Variants in MED13L observed in about 807,000 individuals in gnomAD.
MED13L encodes the protein mediator complex subunit 13L, also known as mediator of RNA polymerase II transcription subunit 13-like.
MED13L carries 7 observed loss-of-function variants against 220.9 expected under a neutral mutation model. The observed-to-expected ratio is 0.03, with a 90% CI of 0.02 to 0.06. The LOEUF (loss-of-function observed/expected upper bound fraction) is 0.06, where lower values mean the gene tolerates loss of function less well. Among genes scored for constraint, MED13L ranks in the 10% least tolerant of loss-of-function variants. The pLI, the probability that MED13L is intolerant of heterozygous loss-of-function variation, is 1.00. For missense variants in MED13L, 1,965 were observed against 2,760.5 expected (o/e 0.71, Z 6.46); for synonymous variants, 1,011 against 1,015.2 (o/e 1.00, Z 0.08).
chr12:116,277,056 T>G lies in MED13L; in HGVS notation c.72+4A>C. The G allele has an allele frequency of 6.9e-7, 1 of 1,449,420 alleles. No individual in the cohort carries two copies. The highest frequency in any genetic ancestry group is 9.5e-7 in the Non-Finnish European group (1 of 1,047,770). 89.8% of individuals were successfully genotyped at this position (1,449,420 alleles called of 1,614,324 possible). On this transcript the variant is annotated splice_donor_region_variant and intron_variant, in intron 1 of 30. Coordinates refer to ENST00000281928, the MANE Select transcript of MED13L (RefSeq NM_015335.5). ...AGCCCCCTCCCCGCAGCCCGGCTAC[T>G]CACCAGCGAAAAGAGGTTGGAGTGA... is the stretch of plus-strand genomic sequence containing the variant.
intron 4 of MED13L, among the ~76,000 whole-genome samples, chr12:116,081,874 T>C (rs1871261272): frequency 6.6e-6 from 1 of 152,132 alleles, no homozygotes; most frequent in African/African-American, 2.4e-5. Flanking sequence ...CTCAAAAAAA[T>C]AATAAATGCA....
At chr12:116,086,774 G>A (rs1163757957) in intron 4 of MED13L, among the ~76,000 whole-genome samples, 1 of 152,064 alleles carries the variant, frequency 6.6e-6, no homozygotes, top group Non-Finnish European at 1.5e-5. Flanking sequence ...TAGTCATATT[G>A]TTATAATATA....
intron 4 of MED13L, among the ~76,000 whole-genome samples, chr12:116,095,331 G>T (rs984553872): frequency 6.6e-6 from 1 of 152,068 alleles, no homozygotes; most frequent in African/African-American, 2.4e-5. Flanking sequence ...CTTTTTAAAG[G>T]ATTTTGAATG....
chr12:116,261,646 A>G (rs1001268225), intron 1 of MED13L, among the ~76,000 whole-genome samples: 5 of 152,210 alleles, frequency 3.3e-5, no homozygotes, highest in African/African-American at 4.8e-5. Flanking sequence ...TTATATACAC[A>G]ATTGTGATCA....
At chr12:116,081,331 T>C (rs1364131255) in intron 4 of MED13L, among the ~76,000 whole-genome samples, 2 of 152,242 alleles carry the variant, frequency 1.3e-5, no homozygotes, top group Non-Finnish European at 2.9e-5. Flanking sequence ...GATGCTAATT[T>C]TGTCTTTTTG....
At chr12:116,028,735 C>A (rs1280443847) in intron 4 of MED13L, among the ~76,000 whole-genome samples, 1 of 152,164 alleles carries the variant, frequency 6.6e-6, no homozygotes, top group African/African-American at 2.4e-5. Flanking sequence ...TGGAGCTTCA[C>A]CCCTGTTCTC....
chr12:116,195,226 G>C lies in MED13L; in HGVS notation c.310+42242C>G, dbSNP rs114950096. 1.6e-3 allele frequency among the ~76,000 whole-genome samples: 242 copies of C among 152,140 alleles called. 1 individual carries two copies. The highest frequency in any genetic ancestry group is 5.5e-3 in the African/African-American group (228 of 41,502). Reference sequence around the variant, plus strand: ...GATGCAGGTGTATCTACCATCAGTGGGAGACAAGTGCCCTCTGCTGCCAAT... The same window carrying C: ...GATGCAGGTGTATCTACCATCAGTGCGAGACAAGTGCCCTCTGCTGCCAAT... On this transcript the variant is annotated intron_variant, in intron 2 of 30. Coordinates refer to ENST00000281928, the MANE Select transcript of MED13L (RefSeq NM_015335.5).
chr12:116,250,682 CAGA>C (rs1871462382), intron 1 of MED13L, among the ~76,000 whole-genome samples: 1 of 144,314 alleles, frequency 6.9e-6, no homozygotes, highest in Non-Finnish European at 1.5e-5. Context: ...GAAGCTGAGG[CAGA>C]AGAATCGCTT....
chr12:116,078,110 C>A (rs1483345645), intron 4 of MED13L, among the ~76,000 whole-genome samples: 3 of 147,872 alleles, frequency 2.0e-5, no homozygotes, highest in Non-Finnish European at 4.5e-5. Flanking sequence ...CCACTGCACT[C>A]CAGCCTGGGC....
intron 2 of MED13L, among the ~76,000 whole-genome samples, chr12:116,114,926 G>A (rs1036963193): frequency 1.1e-4 from 16 of 151,928 alleles, no homozygotes; most frequent in African/African-American, 3.6e-4. Context: ...ACTAACAAAC[G>A]AAATAAAAAA....
At chr12:116,163,957 C>T (rs1174474785) in intron 2 of MED13L, among the ~76,000 whole-genome samples, 2 of 151,894 alleles carry the variant, frequency 1.3e-5, no homozygotes, top group African/African-American at 4.8e-5. Flanking sequence ...CAGCACAGGA[C>T]AAAAGAAGTA....
At chr12:116,254,832 T>G (rs905338549) in intron 1 of MED13L, among the ~76,000 whole-genome samples, 1 of 152,084 alleles carries the variant, frequency 6.6e-6, no homozygotes, top group Non-Finnish European at 1.5e-5. Flanking sequence ...CTTAGGAATA[T>G]ATCTGATAAA....
In MED13L at chr12:116,007,291, G is replaced by A. The variant is rs555159007; in HGVS notation, c.2238+120C>T. The A allele has an allele frequency of 1.3e-4, 112 of 876,328 alleles. 1 individual carries two copies. In the South Asian group the frequency reaches 1.5e-3, roughly 12 times the overall value. The allele number at this position is 876,328 out of a possible 1,614,324, so 54.3% of individuals were successfully genotyped here. ...AATAGTACCAAGAGCATGAATATGGGGACAGAGCAATCAGGCAAGACTATC... is the reference window on the plus strand; with the variant it reads ...AATAGTACCAAGAGCATGAATATGGAGACAGAGCAATCAGGCAAGACTATC... On this transcript the variant is annotated intron_variant, in intron 11 of 30. Transcript: ENST00000281928.
At chr12:116,006,505 A>G in intron 11 of MED13L, 94 bp from the exon 12 acceptor site, 1 of 961,316 alleles carries the variant, frequency 1.0e-6, no homozygotes, top group Non-Finnish European at 1.7e-6. Flanking sequence ...GTAGAATGGA[A>G]CTTGTTATGA....
At chr12:116,166,704 T>C (rs1050424573) in intron 2 of MED13L, among the ~76,000 whole-genome samples, 1 of 152,246 alleles carries the variant, frequency 6.6e-6, no homozygotes, top group Non-Finnish European at 1.5e-5. Flanking sequence ...TTTTGTGTTA[T>C]TTTATTAATA....
At position 116,277,311 on chromosome 12, in the gene MED13L, G is replaced by A. The variant is rs1873955479; in HGVS notation, c.-180C>T. 1 of 1,322 alleles carries A rather than the reference G, an allele frequency of 7.6e-4. No individual in the cohort carries two copies. Among genetic ancestry groups the A allele is most frequent in the Admixed American group, 0.018 (1 of 56 alleles). The allele number at this position is 1,322 out of a possible 1,614,324, so 0.1% of individuals were successfully genotyped here. A position where few individuals can be genotyped will look rare whatever the true frequency, so the allele number is the denominator to read the frequency against. Reference sequence around the variant, plus strand: ...AGGCGCCGCGGCGACGCCGCGCCGGGGGCAGCGGGCCCGGGCTGGCGGGGG... The same window carrying A: ...AGGCGCCGCGGCGACGCCGCGCCGGAGGCAGCGGGCCCGGGCTGGCGGGGG... On this transcript the variant is annotated 5_prime_UTR_variant, in exon 1 of 31. Transcript: ENST00000281928.
chr12:116,031,759 A>AGAAAAGGAAGGAAGGAAGGAAG (rs1592967502), intron 4 of MED13L, among the ~76,000 whole-genome samples: 1 of 40,952 alleles, frequency 2.4e-5, no homozygotes, highest in Non-Finnish European at 4.5e-5. Context: ...AGAAAAGAAA[A>AGAAAAGGAAGGAAGGAAGGAAG]GAAGGAAGGA....
intron 2 of MED13L, among the ~76,000 whole-genome samples, chr12:116,132,075 T>G (rs1876118055): frequency 6.6e-6 from 1 of 151,974 alleles, no homozygotes; most frequent in African/African-American, 2.4e-5. Flanking sequence ...GGTCAGGAGT[T>G]CGAGATCAGC....
intron 1 of MED13L, among the ~76,000 whole-genome samples, chr12:116,270,856 C>T (rs1873249038): frequency 6.6e-6 from 1 of 151,636 alleles, no homozygotes; most frequent in Non-Finnish European, 1.5e-5. Flanking sequence ...TCCTGGCCAA[C>T]ATGGTGAAAC....
Sources: allele counts gnomAD v4.1 joint callset (sites outside exome capture counted in the v4.1 genomes callset), GRCh38; gene constraint gnomAD v4.1.1; transcripts MANE v1.5; gene names NCBI Gene and HGNC (gene_info 2026-07-23, HGNC 2026-07-21).